Variants in TENM3 observed in about 807,000 individuals in gnomAD.
The protein encoded by TENM3 is teneurin transmembrane protein 3.
A neutral mutation model predicts 255.1 loss-of-function variants in TENM3; 63 were observed. That is an observed-to-expected ratio of 0.25 (90% CI 0.20 to 0.30). The LOEUF (loss-of-function observed/expected upper bound fraction) is 0.30. Ranked by LOEUF, TENM3 falls within the 10% of genes least tolerant of loss-of-function variation. The pLI is 1.00. For missense variants in TENM3, 2,929 were observed against 3,461.1 expected (o/e 0.85, Z 3.86); for synonymous variants, 1,306 against 1,322.3 (o/e 0.99, Z 0.27).
At chr4:181,630,788 GT>G in the TENM3 span, among the ~76,000 whole-genome samples, 1 of 152,208 alleles carries the variant, frequency 6.6e-6, no homozygotes, top group Non-Finnish European at 1.5e-5. Flanking sequence ...TAAGTGTGAT[GT>G]GGTGCTGAGA....
chr4:182,026,088 T>C, the TENM3 span, among the ~76,000 whole-genome samples: 1 of 152,190 alleles, frequency 6.6e-6, no homozygotes, highest in African/African-American at 2.4e-5. Context: ...TGGTTTTCTG[T>C]CCTTGTGACA....
chr4:182,452,887 C>T (rs930443128), intron 3 of TENM3, among the ~76,000 whole-genome samples: 2 of 152,094 alleles, frequency 1.3e-5, no homozygotes, highest in Non-Finnish European at 2.9e-5. Flanking sequence ...TTCTAATACT[C>T]ATTTTTGCAT....
chr4:182,414,724 G>A (rs1296156144), intron 3 of TENM3, among the ~76,000 whole-genome samples: 1 of 152,222 alleles, frequency 6.6e-6, no homozygotes, highest in Non-Finnish European at 1.5e-5. Context: ...TCCTTATAAA[G>A]TATCTCAAAG....
chr4:182,204,074 G>A (rs181823911), intron 1 of TENM3, among the ~76,000 whole-genome samples: 137 of 152,292 alleles, frequency 9.0e-4, no homozygotes, highest in Non-Finnish European at 1.6e-3. Flanking sequence ...AATGAAGGGG[G>A]AAATCAACAG....
the TENM3 span, among the ~76,000 whole-genome samples, chr4:181,857,880 T>C: frequency 2.0e-5 from 3 of 152,110 alleles, no homozygotes; most frequent in African/African-American, 2.4e-5. Context: ...CATGGCTCTG[T>C]CTGCTGTGAG....
the TENM3 span, among the ~76,000 whole-genome samples, chr4:181,848,364 T>C: frequency 2.6e-5 from 4 of 152,162 alleles, no homozygotes; most frequent in South Asian, 8.3e-4. Context: ...AAGCCAGAAG[T>C]AGATTCAAAG....
upstream of TENM3, among the ~76,000 whole-genome samples, chr4:182,239,425 G>T (rs1482312160): frequency 6.6e-6 from 1 of 152,048 alleles, no homozygotes; most frequent in African/African-American, 2.4e-5. Flanking sequence ...TATTGCTTCT[G>T]CTCCTTTCAT....
At chr4:182,587,467 T>TA (rs1197093112) in intron 3 of TENM3, among the ~76,000 whole-genome samples, 23 of 152,242 alleles carry the variant, frequency 1.5e-4, no homozygotes, top group African/African-American at 4.8e-4. Flanking sequence ...TAGTTCCAGC[T>TA]ACTGGGGAGG....
At chr4:182,619,507 A>G (rs1380714266) in intron 4 of TENM3, among the ~76,000 whole-genome samples, 3 of 152,186 alleles carry the variant, frequency 2.0e-5, no homozygotes, top group African/African-American at 7.2e-5. Context: ...ATCAACAAAG[A>G]AACAAACCTT....
At chr4:182,747,249 T>A (rs1009049951) in intron 19 of TENM3, among the ~76,000 whole-genome samples, 2 of 152,224 alleles carry the variant, frequency 1.3e-5, no homozygotes, top group Non-Finnish European at 2.9e-5. Flanking sequence ...GTAAACAGTC[T>A]CGTTAGTTGG....
Position 182,267,032 on chromosome 4 carries a change from A to C in TENM3, c.-76+23556A>C, listed in dbSNP as rs189374511. Among the ~76,000 whole-genome samples, 284 of 152,342 alleles carry C rather than the reference A, an allele frequency of 1.9e-3. 1 individual carries two copies. Among genetic ancestry groups the C allele is most frequent in the African/African-American group, 5.4e-3 (224 of 41,586 alleles). On this transcript the variant is annotated intron_variant, in intron 1 of 27. Coordinates refer to ENST00000511685, the MANE Select transcript of TENM3 (RefSeq NM_001080477.4). ...TAATAACTCTGGAGATTGTAACATC[A>C]AACTAAAGGAAAAAACTTTCAAAAC...
chr4:181,448,381 C>A, the TENM3 span, among the ~76,000 whole-genome samples: 1 of 150,908 alleles, frequency 6.6e-6, no homozygotes, highest in Non-Finnish European at 1.5e-5. Context: ...CCGTTTTAGC[C>A]GGGATGGTCT....
intron 24 of TENM3, among the ~76,000 whole-genome samples, chr4:182,788,483 A>T (rs1765856381): frequency 6.6e-6 from 1 of 152,238 alleles, no homozygotes; most frequent in Non-Finnish European, 1.5e-5. Flanking sequence ...TGTATGTGTT[A>T]GTAAAGGACT....
chr4:181,478,680 A>C, the TENM3 span, among the ~76,000 whole-genome samples: 275 of 152,348 alleles, frequency 1.8e-3, no homozygotes, highest in African/African-American at 6.5e-3. Flanking sequence ...TTCTTTAAGT[A>C]TATCAAGAGA....
At chr4:181,665,087 C>A in the TENM3 span, among the ~76,000 whole-genome samples, 2 of 152,160 alleles carry the variant, frequency 1.3e-5, no homozygotes, top group African/African-American at 4.8e-5. Context: ...GATGAAGCTG[C>A]ACCTCACAAT....
the TENM3 span, among the ~76,000 whole-genome samples, chr4:181,552,411 T>C: frequency 6.6e-6 from 1 of 152,222 alleles, no homozygotes; most frequent in Non-Finnish European, 1.5e-5. Flanking sequence ...CATTTCTTTA[T>C]TGTTTAGAAA....
chr4:182,171,305 T>C (rs1449156965), intron 1 of TENM3, among the ~76,000 whole-genome samples: 3 of 152,200 alleles, frequency 2.0e-5, no homozygotes, highest in Non-Finnish European at 2.9e-5. Flanking sequence ...CAAGATTAAA[T>C]CAGGGAGCTA....
At chr4:182,195,149 A>G (rs1579669712) in intron 1 of TENM3, among the ~76,000 whole-genome samples, 1 of 152,240 alleles carries the variant, frequency 6.6e-6, no homozygotes, top group African/African-American at 2.4e-5. Context: ...TTGTGAGGGC[A>G]TATAACATGA....
chr4:181,483,808 C>A, the TENM3 span, among the ~76,000 whole-genome samples: 37 of 152,190 alleles, frequency 2.4e-4, no homozygotes, highest in Non-Finnish European at 8.8e-5. Flanking sequence ...AAAGGCTATG[C>A]GGTAATTGTG....
Sources: gnomAD v4.1 joint callset for allele counts (sites outside exome capture counted in the v4.1 genomes callset) on GRCh38, gnomAD v4.1.1 for gene constraint, MANE v1.5 for transcripts, NCBI Gene and HGNC (gene_info 2026-07-23, HGNC 2026-07-21) for gene names.